The following CCL2 variants were observed in gnomAD, a reference collection of about 807,000 sequenced individuals.
CCL2 encodes the protein C-C motif chemokine 2.
Under a neutral mutation model 6.7 loss-of-function variants are expected in CCL2, and 2 were observed. The observed-to-expected ratio is 0.30, with a 90% CI of 0.12 to 0.94. The LOEUF (loss-of-function observed/expected upper bound fraction) is 0.94. Ranked by LOEUF, CCL2 falls within the 40% of genes least tolerant of loss-of-function variation. The probability of loss-of-function intolerance (pLI) is 0.54; values close to 1 mark genes in which losing one functional copy is unlikely to be tolerated. For missense variants in CCL2, 89 were observed against 119.3 expected, an observed-to-expected ratio of 0.75 and a Z score of 1.18; for synonymous variants, 43 against 45.2, an observed-to-expected ratio of 0.95 and a Z score of 0.19.
At chr17:34,255,958 G>C (rs551101438) in intron 1 of CCL2, 2 of 410,578 alleles carry the variant, frequency 4.9e-6, no homozygotes, top group African/African-American at 2.0e-5. Context: ...AATGACACTT[G>C]TAGGCATTAT....
At chr17:34,255,503 A>G (rs1331498065) in intron 1 of CCL2, 78 bp downstream of exon 1, 1 of 1,288,174 alleles carries the variant, frequency 7.8e-7, no homozygotes, top group Non-Finnish European at 1.1e-6. Context: ...CAGACGTGGT[A>G]CCCACAGTCT....
rs557966833 is a variant in CCL2, at chr17:34,255,328, A to G, written c.-22A>G. On this transcript the variant is annotated 5_prime_UTR_variant, in exon 1 of 3. Transcript: ENST00000225831. ...CAGAAACATCCAATTCTCAAACTGA[A>G]GCTCGCACTCTCGCCTCCAGCATGA... 20 of 1,611,390 alleles carry G rather than the reference A, an allele frequency of 1.2e-5. No homozygotes were observed. Among genetic ancestry groups the G allele is most frequent in the Non-Finnish European group, 1.5e-5 (18 of 1,177,824 alleles).
chr17:34,255,404 C>T lies in CCL2; in HGVS notation c.55C>T (p.Pro19Ser). 1 of 1,614,012 alleles carries T rather than the reference C, an allele frequency of 6.2e-7. No homozygotes were observed. Among genetic ancestry groups the T allele is most frequent in the South Asian group, 1.1e-5 (1 of 91,074 alleles). ...GCTGCTCATAGCAGCCACCTTCATT[C>T]CCCAAGGGCTCGCTCAGCCAGGTAA... Reference protein sequence around the residue: ...CLLLIAATFIPQGLAQPDAIN... With the variant: ...CLLLIAATFISQGLAQPDAIN... Residue 19 changes from proline to serine, a missense_variant, in exon 1 of 3, where the codon CCC becomes TCC. Physicochemically the swap from Pro to Ser is moderately conservative, Grantham distance 74. Coordinates refer to ENST00000225831, the MANE Select transcript of CCL2 (RefSeq NM_002982.4).
At position 34,256,232 on chromosome 17, in the gene CCL2, T is replaced by C; in HGVS notation, c.87T>C (p.Asn29=). The change falls in exon 2 of 3, where the codon AAT becomes AAC. Residue 29 remains asparagine (N), a synonymous_variant. Transcript: ENST00000225831. ...PQGLAQPDAI[N]APVTCCYNFT... is the part of the protein sequence containing the mutation. Reference sequence around the variant, plus strand: ...TGGTTTATTTTCCAGATGCAATCAATGCCCCAGTCACCTGCTGTTATAACT... The same window carrying C: ...TGGTTTATTTTCCAGATGCAATCAACGCCCCAGTCACCTGCTGTTATAACT... The C allele has an allele frequency of 2.5e-6, 4 of 1,607,952 alleles. No homozygotes were observed. Among genetic ancestry groups the C allele is most frequent in the Non-Finnish European group, 3.4e-6 (4 of 1,174,696 alleles).
At position 34,256,845 on chromosome 17, in the gene CCL2, C is replaced by T; in HGVS notation, c.*18C>T. ...AGACTTGAACACTCACTCCACAACC[C>T]AAGAATCTGCAGCTAACTTATTTTC... On this transcript the variant is annotated 3_prime_UTR_variant, in exon 3 of 3. Transcript: ENST00000225831. 1 of 1,471,938 alleles carries T rather than the reference C, an allele frequency of 6.8e-7. No individual in the cohort carries two copies. The highest frequency in any genetic ancestry group is 9.5e-7 in the Non-Finnish European group (1 of 1,053,206). 91.2% of individuals were successfully genotyped at this position (1,471,938 alleles called of 1,614,324 possible). A position where few individuals can be genotyped will look rare whatever the true frequency, so the allele number is the denominator to read the frequency against.
At chr17:34,256,089 G>T in intron 1 of CCL2, 133 bp from the exon 2 acceptor site, 1 of 648,980 alleles carries the variant, frequency 1.5e-6, no homozygotes, top group Non-Finnish European at 2.8e-6. Flanking sequence ...ATAGGCAGAA[G>T]CACTGGGATT....
chr17:34,257,052 C>T lies in CCL2; in HGVS notation c.*225C>T, dbSNP rs2215182. 1,543 of 401,472 alleles carry T rather than the reference C, an allele frequency of 3.8e-3. 23 individuals carry two copies. Among genetic ancestry groups the T allele is most frequent in the African/African-American group, 0.029 (1,402 of 49,166 alleles). 24.9% of individuals were successfully genotyped at this position (401,472 alleles called of 1,614,324 possible). A position where few individuals can be genotyped will look rare whatever the true frequency, so the allele number is the denominator to read the frequency against. ...TGGGGAAATTGCTTTTCCTCTTGAACCACAGTTCTACCCCTGGGATGTTTT... is the reference window on the plus strand; with the variant it reads ...TGGGGAAATTGCTTTTCCTCTTGAATCACAGTTCTACCCCTGGGATGTTTT... On this transcript the variant is annotated 3_prime_UTR_variant, in exon 3 of 3. Transcript: ENST00000225831.
Position 34,256,813 on chromosome 17 carries a change from A to G in CCL2, c.286A>G (p.Thr96Ala), listed in dbSNP as rs1598083692. The G allele has an allele frequency of 1.2e-6, 2 of 1,612,134 alleles. No individual in the cohort carries two copies. The highest frequency in any genetic ancestry group is 1.7e-6 in the Non-Finnish European group (2 of 1,178,448). Residue 96 changes from threonine (T) to alanine (A), a missense_variant, in exon 3 of 3, where the codon ACT (threonine) becomes GCT (alanine). By Grantham distance (58) the Thr-to-Ala change is moderately conservative. Coordinates refer to ENST00000225831, the MANE Select transcript of CCL2 (RefSeq NM_002982.4). Reference protein sequence around the residue: ...SMDHLDKQTQTPKT With the variant: ...SMDHLDKQTQAPKT The stretch of plus-strand genomic sequence containing the variant: ...GGACCACCTGGACAAGCAAACCCAA[A>G]CTCCGAAGACTTGAACACTCACTCC...
chr17:34,255,458 T>C, intron 1 of CCL2, 33 bp downstream of exon 1: 2 of 1,558,162 alleles, frequency 1.3e-6, no homozygotes, highest in Non-Finnish European at 1.8e-6. Context: ...TTGAACCACA[T>C]TGTCTTCTCT....
intron 1 of CCL2, 142 bp from the exon 2 acceptor site, chr17:34,256,080 T>TCCC (rs1165859086): frequency 1.6e-6 from 1 of 631,348 alleles, no homozygotes; most frequent in Non-Finnish European, 2.8e-6. Context: ...CTCTGAGGTA[T>TCCC]AGGCAGAAGC....
At position 34,256,710 on chromosome 17, in the gene CCL2, C is replaced by G. The variant is rs1395077922; in HGVS notation, c.195-12C>G. The stretch of plus-strand genomic sequence containing the variant: ...AAGGAACTTCATCTAACTCTGTCCT[C>G]CCTCCCCACAGCTTCAAGACCATTG... On this transcript the variant is annotated splice_polypyrimidine_tract_variant and intron_variant, in intron 2 of 2. Transcript: ENST00000225831. 6.3e-7 allele frequency: 1 copy of G among 1,588,728 alleles called. No individual in the cohort carries two copies. The highest frequency in any genetic ancestry group is 8.6e-7 in the Non-Finnish European group (1 of 1,158,388).
At chr17:34,256,501 C>A in intron 2 of CCL2, 162 bp downstream of exon 2, 1 of 631,366 alleles carries the variant, frequency 1.6e-6, no homozygotes. Context: ...ACCCCAACAT[C>A]ACTCTCCACC....
At chr17:34,255,857 A>G in intron 1 of CCL2, 1 of 275,412 alleles carries the variant, frequency 3.6e-6, no homozygotes, top group Non-Finnish European at 6.9e-6. Flanking sequence ...ATGACCAGGC[A>G]TAGCCTATTC....
At chr17:34,255,533 C>T in intron 1 of CCL2, 108 bp downstream of exon 1, 1 of 955,120 alleles carries the variant, frequency 1.0e-6, no homozygotes, top group African/African-American at 1.6e-5. Flanking sequence ...GCTACTTTTC[C>T]AAGATAAGGT....
Sources: gnomAD v4.1 joint callset for allele counts on GRCh38, gnomAD v4.1.1 for gene constraint, MANE v1.5 for transcripts, NCBI Gene and HGNC (gene_info 2026-07-23, HGNC 2026-07-21) for gene names.